MMP16: variants seen among roughly 807,000 people sequenced by gnomAD.
MMP16 encodes matrix metallopeptidase 16.
MMP16 carries 12 observed loss-of-function variants against 67.8 expected under a neutral mutation model. The ratio of observed to expected loss-of-function variants is 0.18; its 90% CI spans 0.11 to 0.29. The LOEUF is 0.29. Ranked by LOEUF, MMP16 falls within the 10% of genes least tolerant of loss-of-function variation. MMP16 has a pLI of 1.00. For synonymous variants in MMP16, 249 were observed against 255.9 expected (o/e 0.97, Z 0.26); for missense variants, 475 against 765.7 (o/e 0.62, Z 4.48).
At chr8:88,048,507 A>T (rs1808227205) in intron 8 of MMP16, among the ~76,000 whole-genome samples, 2 of 152,166 alleles carry the variant, frequency 1.3e-5, no homozygotes, top group Non-Finnish European at 2.9e-5. Context: ...GGGCAGCCCT[A>T]TTGCTCTATG....
chr8:88,267,907 A>C (rs1810500014), intron 1 of MMP16, among the ~76,000 whole-genome samples: 1 of 152,200 alleles, frequency 6.6e-6, no homozygotes, highest in Admixed American at 6.5e-5. Context: ...CAGGAGTGTG[A>C]ATGAAGTGGT....
chr8:88,231,502 CAGTCT>C (rs1177317142), intron 1 of MMP16, among the ~76,000 whole-genome samples: 5 of 152,158 alleles, frequency 3.3e-5, no homozygotes, highest in African/African-American at 4.8e-5. Context: ...CCTATCCACC[CAGTCT>C]AGAAATGAAA....
chr8:88,209,829 T>C (rs974491377), intron 1 of MMP16, among the ~76,000 whole-genome samples: 2 of 152,202 alleles, frequency 1.3e-5, no homozygotes, highest in Non-Finnish European at 2.9e-5. Flanking sequence ...CCATTACATG[T>C]ATATACCACA....
chr8:88,101,605 A>G (rs1809146685), intron 6 of MMP16, among the ~76,000 whole-genome samples: 2 of 151,860 alleles, frequency 1.3e-5, no homozygotes, highest in African/African-American at 4.8e-5. Context: ...ACTGGTAAGC[A>G]CCGCAGCCCA....
intron 3 of MMP16, among the ~76,000 whole-genome samples, chr8:88,175,767 C>CCT (rs1808878629): frequency 6.6e-6 from 1 of 152,138 alleles, no homozygotes; most frequent in Non-Finnish European, 1.5e-5. Context: ...CCCCATGTGT[C>CCT]CTGGGAGGGA....
chr8:88,170,965 T>A (rs912796848), intron 3 of MMP16, among the ~76,000 whole-genome samples: 3 of 152,210 alleles, frequency 2.0e-5, no homozygotes, highest in African/African-American at 7.2e-5. Flanking sequence ...TTTCAGTATG[T>A]GTTCTGAGAG....
intron 7 of MMP16, among the ~76,000 whole-genome samples, chr8:88,062,658 G>A (rs975469530): frequency 2.8e-4 from 42 of 151,870 alleles, no homozygotes; most frequent in African/African-American, 9.9e-4. Flanking sequence ...GGCCTGTTGT[G>A]GGGTGGGGGG....
chr8:88,159,925 G>C (rs1340482667), intron 4 of MMP16, among the ~76,000 whole-genome samples: 1 of 151,034 alleles, frequency 6.6e-6, no homozygotes, highest in Non-Finnish European at 1.5e-5. Context: ...TTTATATGCT[G>C]GATTACGTTT....
rs1178919307 is a variant in MMP16, at chr8:88,147,023, T to C, written c.709+20646A>G. On this transcript the variant is annotated intron_variant, in intron 4 of 9. Coordinates refer to ENST00000286614, the MANE Select transcript of MMP16 (RefSeq NM_005941.5). ...TTATAAACTACAGATAGTAGAATTT[T>C]AATTTATTACAACAACTTTACTTTG... Among the ~76,000 whole-genome samples, 4 of 151,892 alleles carry C rather than the reference T, an allele frequency of 2.6e-5. No homozygotes were observed. The East Asian group carries it at 7.7e-4, about 29-fold the overall frequency.
chr8:88,180,161 A>C (rs1474231454), intron 3 of MMP16, among the ~76,000 whole-genome samples: 2 of 151,986 alleles, frequency 1.3e-5, no homozygotes, highest in Non-Finnish European at 2.9e-5. Flanking sequence ...CACGCCTGTA[A>C]TCCCAGCTAC....
At chr8:88,242,359 T>C (rs1249132255) in intron 1 of MMP16, among the ~76,000 whole-genome samples, 1 of 152,228 alleles carries the variant, frequency 6.6e-6, no homozygotes. Flanking sequence ...AATTTCTATA[T>C]CAGTTGTCAT....
chr8:88,307,468 C>T (rs7000030), intron 1 of MMP16, among the ~76,000 whole-genome samples: 20,431 of 151,920 alleles, frequency 0.13, 1,856 homozygotes, highest in African/African-American at 0.24. Context: ...AATAGAAAAA[C>T]AGACAATAAC....
chr8:88,041,825 T>C lies in MMP16; in HGVS notation c.1490-30A>G, dbSNP rs141851128. On this transcript the variant is annotated intron_variant, in intron 9 of 9. Coordinates refer to ENST00000286614, the MANE Select transcript of MMP16 (RefSeq NM_005941.5). This position sits in a 1 kb window ranked among gnomAD's most constrained non-coding sequence, Gnocchi z 6.0. Reference sequence around the variant, plus strand: ...GGGGAAAAACATACACACACACAGGTACCACTTATTTGTGACAGTGTATAT... The same window carrying C: ...GGGGAAAAACATACACACACACAGGCACCACTTATTTGTGACAGTGTATAT... 3 of 1,489,298 alleles carry C rather than the reference T, an allele frequency of 2.0e-6. No homozygotes were observed. Among genetic ancestry groups the C allele is most frequent in the South Asian group, 2.4e-5 (2 of 82,250 alleles). 92.3% of individuals were successfully genotyped at this position (1,489,298 alleles called of 1,614,324 possible). A position where few individuals can be genotyped will look rare whatever the true frequency, so the allele number is the denominator to read the frequency against.
intron 6 of MMP16, among the ~76,000 whole-genome samples, chr8:88,083,462 G>A (rs117683987): frequency 9.2e-5 from 14 of 152,170 alleles, no homozygotes; most frequent in Non-Finnish European, 2.1e-4. Context: ...AAGCATGGGA[G>A]CAGCTTAAGC....
intron 1 of MMP16, among the ~76,000 whole-genome samples, chr8:88,228,453 T>C (rs1345462796): frequency 6.6e-6 from 1 of 152,060 alleles, no homozygotes; most frequent in Non-Finnish European, 1.5e-5. Flanking sequence ...AAAATGCTTA[T>C]GTGAAATGTT....
intron 1 of MMP16, among the ~76,000 whole-genome samples, chr8:88,280,172 G>C (rs1810710464): frequency 1.3e-5 from 2 of 152,122 alleles, no homozygotes; most frequent in Non-Finnish European, 2.9e-5. Flanking sequence ...GTGCACTTAT[G>C]GTCTGCTTTG....
intron 1 of MMP16, among the ~76,000 whole-genome samples, chr8:88,281,126 T>G (rs1477899728): frequency 6.6e-6 from 1 of 152,142 alleles, no homozygotes; most frequent in Non-Finnish European, 1.5e-5. Context: ...AATTCCAAAT[T>G]TTCCCTCACT....
chr8:88,121,297 T>C (rs974859098), intron 4 of MMP16, among the ~76,000 whole-genome samples: 1 of 152,016 alleles, frequency 6.6e-6, no homozygotes, highest in Admixed American at 6.6e-5. Flanking sequence ...AACCAGGATA[T>C]GAACTTACGA....
intron 1 of MMP16, among the ~76,000 whole-genome samples, chr8:88,228,791 C>A (rs561822843): frequency 1.3e-5 from 2 of 152,086 alleles, no homozygotes; most frequent in African/African-American, 4.8e-5. Flanking sequence ...AACTTTGGAA[C>A]ATTCTTACTA....
Sources: gnomAD v4.1 joint callset for allele counts (sites outside exome capture counted in the v4.1 genomes callset) on GRCh38, gnomAD v4.1.1 for gene constraint, Gnocchi (gnomAD v3.1) non-coding constraint, MANE v1.5 for transcripts, NCBI Gene and HGNC (gene_info 2026-07-23, HGNC 2026-07-21) for gene names.